RAD54B: variants seen among roughly 807,000 people sequenced by gnomAD.
RAD54B encodes the protein DNA repair and recombination protein RAD54B.
A neutral mutation model predicts 95.8 loss-of-function variants in RAD54B; 78 were observed. The observed-to-expected ratio is 0.81, with a 90% CI of 0.68 to 0.98. RAD54B has a LOEUF of 0.98. Ranked by LOEUF, RAD54B falls within the 50% of genes least tolerant of loss-of-function variation. RAD54B has a pLI of 0.00. For missense variants in RAD54B, 957 were observed against 1,056.6 expected (o/e 0.91, Z 1.31); for synonymous variants, 328 against 354.9 (o/e 0.92, Z 0.85).
At position 94,430,457 on chromosome 8, in the gene RAD54B, ACT is replaced by A. The variant is rs372773474; in HGVS notation, c.305-19144_305-19143del. ...TAGGCACCAAGCGAGGTTCCAAAAT[ACT>A]CTGTTTCACTGGTTCTCAAACTTTA... On this transcript the variant is annotated intron_variant, in intron 3 of 14. Coordinates refer to ENST00000336148, the MANE Select transcript of RAD54B (RefSeq NM_012415.3). 230 of 984,374 alleles carry A rather than the reference ACT, an allele frequency of 2.3e-4. 2 individuals are homozygous for A. In the East Asian group the frequency reaches 0.021, roughly 90 times the overall value. The allele number at this position is 984,374 out of a possible 1,614,324, so 61.0% of individuals were successfully genotyped here. A position where few individuals can be genotyped will look rare whatever the true frequency, so the allele number is the denominator to read the frequency against.
chr8:94,403,062 T>C (rs1233433326), intron 6 of RAD54B, among the ~76,000 whole-genome samples: 1 of 152,208 alleles, frequency 6.6e-6, no homozygotes, highest in East Asian at 1.9e-4. Context: ...TAACAGTTTC[T>C]GGAAGACAGT....
At position 94,402,426 on chromosome 8, in the gene RAD54B, G is replaced by T. The variant is rs147572747; in HGVS notation, c.944+1651C>A. Among the ~76,000 whole-genome samples the T allele has an allele frequency of 8.2e-3, 1,246 of 151,910 alleles. 60 individuals carry two copies. The East Asian group carries it at 0.12, about 15-fold the overall frequency. On this transcript the variant is annotated intron_variant, in intron 6 of 14. Coordinates refer to ENST00000336148, the MANE Select transcript of RAD54B (RefSeq NM_012415.3). ...CTGCCACCACACCCAGCTAATTTTT[G>T]TATTTTTAGTAGAGACGGGATTTCA...
chr8:94,436,703 T>C (rs1174164458), intron 3 of RAD54B: 14 of 1,550,586 alleles, frequency 9.0e-6, no homozygotes, highest in African/African-American at 1.4e-5. Context: ...TCTACTCCAA[T>C]TGCATTATAG....
chr8:94,401,297 C>T (rs372407068), intron 6 of RAD54B, among the ~76,000 whole-genome samples: 5 of 151,984 alleles, frequency 3.3e-5, no homozygotes, highest in Non-Finnish European at 7.4e-5. Context: ...CCACCTCTTC[C>T]GCCACCTCTG....
chr8:94,464,915 G>A (rs904046383), intron 2 of RAD54B, among the ~76,000 whole-genome samples: 1 of 151,926 alleles, frequency 6.6e-6, no homozygotes, highest in African/African-American at 2.4e-5. Context: ...AGGGAGGGGG[G>A]AGATGCCGCA....
In RAD54B at chr8:94,463,239, A is replaced by G. The variant is rs1362396328; in HGVS notation, c.135+4166T>C. 2.0e-5 allele frequency among the ~76,000 whole-genome samples: 3 copies of G among 151,084 alleles called. 1 individual carries two copies. The highest frequency in any genetic ancestry group is 6.4e-3 in the Middle Eastern group (2 of 314). On this transcript the variant is annotated intron_variant, in intron 2 of 14. Transcript: ENST00000336148. ...TTGGTTGGACACAGTGGCTCACTCTAGCCTGGGCAACAGAGCGAGACTTCA... is the reference window on the plus strand; with the variant it reads ...TTGGTTGGACACAGTGGCTCACTCTGGCCTGGGCAACAGAGCGAGACTTCA...
intron 3 of RAD54B, chr8:94,428,915 C>A: frequency 3.0e-6 from 3 of 985,022 alleles, no homozygotes; most frequent in Non-Finnish European, 3.6e-6. Flanking sequence ...AGATAATAAA[C>A]AGCCTCGGAA....
Position 94,399,408 on chromosome 8 carries a change from A to G in RAD54B, c.1378+6T>C, listed in dbSNP as rs749993595. On this transcript the variant is annotated splice_donor_region_variant and intron_variant, in intron 8 of 14. Coordinates refer to ENST00000336148, the MANE Select transcript of RAD54B (RefSeq NM_012415.3). The stretch of plus-strand genomic sequence containing the variant: ...CCAAAATATCTTCCCCAAACTGAAT[A>G]CTGACCAGTTAGAATTATTCTTTTC... 4 of 1,610,812 alleles carry G rather than the reference A, an allele frequency of 2.5e-6. No individual in the cohort carries two copies. In the East Asian group the frequency reaches 8.9e-5, roughly 36 times the overall value.
At chr8:94,463,893 C>CAAAAAAAAAAAAAAAAAAAAAA in intron 2 of RAD54B, among the ~76,000 whole-genome samples, 1 of 90,976 alleles carries the variant, frequency 1.1e-5, no homozygotes, top group Non-Finnish European at 2.2e-5. Context: ...GACCCTATCT[C>CAAAAAAAAAAAAAAAAAAAAAA]AAAAAAAAAA....
rs114777887 is a variant in RAD54B at position 94,459,442 on chromosome 8, T to C, written c.136-1006A>G. Among the ~76,000 whole-genome samples the C allele has an allele frequency of 9.9e-3, 1,501 of 151,794 alleles. 19 individuals carry two copies. Among genetic ancestry groups the C allele is most frequent in the African/African-American group, 0.033 (1,364 of 41,410 alleles). ...CTAAGATTACAGGGGTGAGCCACCA[T>C]ACCCGGCCTTAAAAAGCTCTTATAT... On this transcript the variant is annotated intron_variant, in intron 2 of 14. Coordinates refer to ENST00000336148, the MANE Select transcript of RAD54B (RefSeq NM_012415.3).
chr8:94,392,019 A>C (rs1195248876), intron 9 of RAD54B, 120 bp from the exon 10 acceptor site: 12 of 952,238 alleles, frequency 1.3e-5, no homozygotes, highest in Non-Finnish European at 1.7e-5. Context: ...ATTTTAAAAG[A>C]AATAAAATAT....
rs775859629 is a variant in RAD54B, at chr8:94,378,570, G to C, written c.2312C>G (p.Thr771Arg). 4 of 1,601,702 alleles carry C rather than the reference G, an allele frequency of 2.5e-6. No homozygotes were observed. The Admixed American group carries it at 6.9e-5, about 27-fold the overall frequency. The change falls in exon 13 of 15, where the codon ACA becomes AGA. Residue 771 changes from threonine to arginine, a missense_variant and splice_region_variant. Physicochemically the swap from Thr to Arg is moderately conservative, Grantham distance 71. Coordinates refer to ENST00000336148, the MANE Select transcript of RAD54B (RefSeq NM_012415.3). Reference sequence around the variant, plus strand: ...TTGTCACACTGAAGGGTTGTTACCTGTAGTTAGGAGTCTGTAAATATGTAC... The same window carrying C: ...TTGTCACACTGAAGGGTTGTTACCTCTAGTTAGGAGTCTGTAAATATGTAC... The part of the protein sequence containing the change: ...YPVHIYRLLT[T>R]GTIEEKIYQR...
intron 3 of RAD54B, among the ~76,000 whole-genome samples, chr8:94,421,359 T>A (rs1053092443): frequency 6.6e-6 from 1 of 152,224 alleles, no homozygotes; most frequent in Non-Finnish European, 1.5e-5. Context: ...TGCCAGTTCA[T>A]ACTTCATCTA....
intron 3 of RAD54B, among the ~76,000 whole-genome samples, chr8:94,414,557 A>C (rs1262539789): frequency 2.0e-5 from 3 of 152,178 alleles, no homozygotes; most frequent in African/African-American, 7.2e-5. Context: ...ATTTTGTCAA[A>C]GGCCTTTTCT....
At chr8:94,403,744 C>A (rs1015902439) in intron 6 of RAD54B, among the ~76,000 whole-genome samples, 14 of 151,944 alleles carry the variant, frequency 9.2e-5, no homozygotes, top group Middle Eastern at 3.4e-3. Flanking sequence ...TGACCCTTTA[C>A]CACACTAGCA....
At chr8:94,435,536 G>A (rs757776909) in intron 3 of RAD54B, among the ~76,000 whole-genome samples, 8 of 151,980 alleles carry the variant, frequency 5.3e-5, no homozygotes, top group African/African-American at 1.7e-4. Flanking sequence ...AACTAACAAG[G>A]AGTTTACAAT....
At position 94,400,289 on chromosome 8, in the gene RAD54B, TTC is replaced by T. The variant is rs1388162890; in HGVS notation, c.1117_1118del (p.Glu373IlefsTer8). On this transcript the variant is annotated frameshift_variant, in exon 7 of 15. Transcript: ENST00000336148. LOFTEE classifies it high-confidence loss of function. ...PGSLVNNWKKEFQKWLGSERI... is the reference protein window; with the variant it reads ...PGSLVNNWKKXFQKWLGSERI... ...TTTCACTTCCTAGCCATTTTTGAAA[TTC>T]TTTCTTCCAATTATTCACCAAGCTT... 6.2e-7 allele frequency: 1 copy of T among 1,613,882 alleles called. No individual in the cohort carries two copies. The highest frequency in any genetic ancestry group is 1.7e-5 in the Admixed American group (1 of 59,954).
At chr8:94,428,381 A>C (rs1180853768) in intron 3 of RAD54B, 1 of 945,294 alleles carries the variant, frequency 1.1e-6, no homozygotes, top group Non-Finnish European at 1.3e-6. Context: ...TCCAAGGGGG[A>C]TTGGTTTCAG....
chr8:94,432,932 T>C (rs1472155079), intron 3 of RAD54B, among the ~76,000 whole-genome samples: 1 of 151,868 alleles, frequency 6.6e-6, no homozygotes, highest in African/African-American at 2.4e-5. Context: ...ATGAAGAAAA[T>C]AAAAAGAAAA....
Sources: allele counts gnomAD v4.1 joint callset (sites outside exome capture counted in the v4.1 genomes callset), GRCh38; gene constraint gnomAD v4.1.1; transcripts MANE v1.5; gene names NCBI Gene and HGNC (gene_info 2026-07-23, HGNC 2026-07-21).